Variants in COMP observed in about 807,000 individuals in gnomAD.
The protein encoded by COMP is cartilage oligomeric matrix protein.
A neutral mutation model predicts 95.8 loss-of-function variants in COMP; 79 were observed. That is an observed-to-expected ratio of 0.82 (90% CI 0.69 to 0.99). COMP has a LOEUF of 0.99. Ranked by LOEUF, COMP falls within the 50% of genes least tolerant of loss-of-function variation. The pLI is 0.00. For synonymous variants in COMP, 438 were observed against 433.9 expected (o/e 1.01, Z -0.12); for missense variants, 906 against 1,076.1 (o/e 0.84, Z 2.21).
chr19:18,790,781 TCTC>T, intron 2 of COMP, 66 bp downstream of exon 2: 2 of 1,578,048 alleles, frequency 1.3e-6, no homozygotes, highest in Non-Finnish European at 1.7e-6. Flanking sequence ...GTACTTCCTC[TCTC>T]CTCGCTGGGA....
Position 18,788,296 on chromosome 19 carries a change from GTT to G in COMP, c.889_890del (p.Asn297LeufsTer27). The G allele has an allele frequency of 6.2e-6, 10 of 1,612,548 alleles. No homozygotes were observed. The highest frequency in any genetic ancestry group is 7.6e-6 in the Non-Finnish European group (9 of 1,179,966). On this transcript the variant is annotated frameshift_variant, in exon 9 of 19. Coordinates refer to ENST00000222271, the MANE Select transcript of COMP (RefSeq NM_000095.3). LOFTEE classifies it high-confidence loss of function. This position sits in a 1 kb window ranked among gnomAD's most constrained non-coding sequence, Gnocchi z 4.7. ...CGCGGTCCACATCCTCCTGCCCTGA[GTT>G]GGGCACAGTCACGCAGTTGTCCTGG... Reference protein sequence around the residue: ...CRKDNCVTVPNSGQEDVDRDG... With the variant: ...CRKDNCVTVPXSGQEDVDRDG...
chr19:18,783,036 C>G lies in COMP; in HGVS notation c.2227+18G>C, dbSNP rs371523847. On this transcript the variant is annotated intron_variant, in intron 18 of 18. Transcript: ENST00000222271. ...GTGTGCAGACTCCCCGCCCACGGCC[C>G]GCTGGCCCTCGGCTCACCATTGCAG... 2.5e-6 allele frequency: 4 copies of G among 1,611,932 alleles called. No homozygotes were observed. The highest frequency in any genetic ancestry group is 3.3e-5 in the Admixed American group (2 of 60,010).
rs575821712 is a variant in COMP, at chr19:18,789,487, G to A, written c.391-190C>T. On this transcript the variant is annotated intron_variant, in intron 4 of 18. Transcript: ENST00000222271. This position sits in a 1 kb window ranked among gnomAD's most constrained non-coding sequence, Gnocchi z 6.1. The stretch of plus-strand genomic sequence containing the variant: ...GACGGCAAGGGCGCAACCGGGAGAG[G>A]AGAGGAGAGCTGTTCCCTCATGGGC... 9.5e-4 allele frequency among the ~76,000 whole-genome samples: 145 copies of A among 152,248 alleles called. 1 individual carries two copies. The highest frequency in any genetic ancestry group is 3.4e-3 in the Middle Eastern group (1 of 294).
chr19:18,790,346 G>A (rs1601060221), intron 3 of COMP, among the ~76,000 whole-genome samples: 1 of 151,806 alleles, frequency 6.6e-6, no homozygotes, highest in East Asian at 1.9e-4. Flanking sequence ...CTGCCCCGTG[G>A]CGTCTCTCAC....
intron 11 of COMP, 38 bp from the exon 12 acceptor site, chr19:18,786,329 G>A (rs1443385812): frequency 2.5e-6 from 4 of 1,613,196 alleles, no homozygotes; most frequent in African/African-American, 1.3e-5. Context: ...TAATCAGACA[G>A]AGGAAATCAG....
rs1339435567 is a variant in COMP at position 18,784,154 on chromosome 19, C to A, written c.2087+37G>T. 6.2e-7 allele frequency: 1 copy of A among 1,610,778 alleles called. No homozygotes were observed. Among genetic ancestry groups the A allele is most frequent in the South Asian group, 1.1e-5 (1 of 90,970 alleles). On this transcript the variant is annotated intron_variant, in intron 17 of 18. Coordinates refer to ENST00000222271, the MANE Select transcript of COMP (RefSeq NM_000095.3). The surrounding 1 kb of genome is among the most constrained non-coding windows in gnomAD (Gnocchi z 4.9). ...GGCACTCCCACCTGGGCCTGTGTGT[C>A]CCCAGCCCAGCCCACCACAGAGGGT...
chr19:18,783,215 G>A (rs1278324170), intron 17 of COMP, 22 bp from the exon 18 acceptor site: 1 of 1,604,882 alleles, frequency 6.2e-7, no homozygotes. Context: ...ACATGGTGAG[G>A]CCTGGGGGAC....
chr19:18,787,111 G>T, intron 10 of COMP: 2 of 395,840 alleles, frequency 5.1e-6, no homozygotes, highest in East Asian at 6.1e-5. Flanking sequence ...CCAAGGGAAG[G>T]CTAGTGAGGG....
intron 3 of COMP, 137 bp from the exon 4 acceptor site, chr19:18,790,251 C>A (rs1388739575): frequency 3.3e-6 from 2 of 610,374 alleles, no homozygotes; most frequent in Non-Finnish European, 5.3e-6. Flanking sequence ...CGAAATCCTG[C>A]GCTGTCCGCG....
rs778109371 is a variant in COMP, at chr19:18,788,194, G to A, written c.975+18C>T. On this transcript the variant is annotated intron_variant, in intron 9 of 18. Transcript: ENST00000222271. This position sits in a 1 kb window ranked among gnomAD's most constrained non-coding sequence, Gnocchi z 4.7. The stretch of plus-strand genomic sequence containing the variant: ...TGGGATTACAGGAGTGAACCACCGT[G>A]CCGAGCCGTAGATCTACCTTTTCAT... 10 of 1,603,766 alleles carry A rather than the reference G, an allele frequency of 6.2e-6. No individual in the cohort carries two copies. In the South Asian group the frequency reaches 6.6e-5, roughly 11 times the overall value.
rs1163201174 is a variant in COMP at position 18,791,210 on chromosome 19, T to C, written c.60A>G (p.Gly20=). 6.3e-7 allele frequency: 1 copy of C among 1,591,584 alleles called. No individual in the cohort carries two copies. Among genetic ancestry groups the C allele is most frequent in the Admixed American group, 1.8e-5 (1 of 55,944 alleles). Residue 20 remains glycine, a synonymous_variant, in exon 1 of 19, where the codon GGA becomes GGG. Transcript: ENST00000222271. ...LLTLAALGAS[G]QGQSPLGSDL... is the part of the protein sequence containing the mutation. ...GCTTACCCAACGGGCTCTGGCCCTGTCCGGACGCGCCGAGGGCAGCCAGGG... is the reference window on the plus strand; with the variant it reads ...GCTTACCCAACGGGCTCTGGCCCTGCCCGGACGCGCCGAGGGCAGCCAGGG...
intron 15 of COMP, 131 bp from the exon 16 acceptor site, chr19:18,785,223 C>T: frequency 1.0e-6 from 1 of 990,710 alleles, no homozygotes; most frequent in Non-Finnish European, 1.5e-6. Context: ...ACTCGCAGAG[C>T]CCGGACTCAG....
chr19:18,787,365 TC>T, intron 10 of COMP, 125 bp downstream of exon 10: 8 of 1,386,462 alleles, frequency 5.8e-6, no homozygotes, highest in Non-Finnish European at 8.0e-6. Context: ...TGGTCTTTGG[TC>T]CAGGGCGCCC....
chr19:18,789,225 G>A lies in COMP; in HGVS notation c.463C>T (p.Pro155Ser), dbSNP rs2055192540. The change falls in exon 5 of 19, where the codon CCG (proline) becomes TCG (serine). Residue 155 changes from proline (P) to serine (S), a missense_variant. By Grantham distance (74) the Pro-to-Ser change is moderately conservative. Coordinates refer to ENST00000222271, the MANE Select transcript of COMP (RefSeq NM_000095.3). This position sits in a 1 kb window ranked among gnomAD's most constrained non-coding sequence, Gnocchi z 6.1. ...TSPGFRCEAC[P>S]PGYSGPTHQG... The stretch of plus-strand genomic sequence containing the variant: ...TGGGTGGGGCCGCTGTACCCCGGCG[G>A]GCAAGCCTCGCAGCGGAACCCCGGG... 3 of 1,534,942 alleles carry A rather than the reference G, an allele frequency of 2.0e-6. No homozygotes were observed. The highest frequency in any genetic ancestry group is 2.3e-5 in the East Asian group (1 of 44,136).
At position 18,790,118 on chromosome 19, in the gene COMP, C is replaced by G. The variant is rs770568381; in HGVS notation, c.218-4G>C. 7 of 1,478,154 alleles carry G rather than the reference C, an allele frequency of 4.7e-6. No individual in the cohort carries two copies. Among genetic ancestry groups the G allele is most frequent in the East Asian group, 2.7e-5 (1 of 37,594 alleles). The allele number at this position is 1,478,154 out of a possible 1,614,324, so 91.6% of individuals were successfully genotyped here. A position where few individuals can be genotyped will look rare whatever the true frequency, so the allele number is the denominator to read the frequency against. ...GTGCGTACTGACTGCTGCATCCCTG[C>G]GGGGGGGAGGGGGGAGAAGCGGCGG... On this transcript the variant is annotated splice_polypyrimidine_tract_variant and splice_region_variant and intron_variant, in intron 3 of 18. Coordinates refer to ENST00000222271, the MANE Select transcript of COMP (RefSeq NM_000095.3).
Position 18,789,576 on chromosome 19 carries a change from G to A in COMP, c.391-279C>T, listed in dbSNP as rs2055195565. 6.6e-6 allele frequency among the ~76,000 whole-genome samples: 1 copy of A among 151,938 alleles called. No individual in the cohort carries two copies. The highest frequency in any genetic ancestry group is 2.1e-4 in the South Asian group (1 of 4,816). ...GGGGGCAGGGGTCGTCGGGGCGTGC[G>A]TGCCCGGCGGTGGCGGGGGGTCTGG... is the stretch of plus-strand genomic sequence containing the variant. On this transcript the variant is annotated intron_variant, in intron 4 of 18. Transcript: ENST00000222271. This position sits in a 1 kb window ranked among gnomAD's most constrained non-coding sequence, Gnocchi z 6.1.
rs2055207060 is a variant in COMP, at chr19:18,790,769, G to A, written c.165+81C>T. 24 of 1,590,980 alleles carry A rather than the reference G, an allele frequency of 1.5e-5. No individual in the cohort carries two copies. In the East Asian group the frequency reaches 5.5e-4, roughly 36 times the overall value. ...CTCCCCATCTCCTCTCCACCTTCTC[G>A]GGTACTTCCTCTCTCCTCGCTGGGA... On this transcript the variant is annotated intron_variant, in intron 2 of 18. Coordinates refer to ENST00000222271, the MANE Select transcript of COMP (RefSeq NM_000095.3).
chr19:18,790,449 GCCT>G, intron 3 of COMP, 110 bp downstream of exon 3: 1 of 1,354,214 alleles, frequency 7.4e-7, no homozygotes, highest in Non-Finnish European at 1.1e-6. Flanking sequence ...CTCTCCGTCA[GCCT>G]CCATCTCCTT....
chr19:18,783,959 T>C (rs565213660), intron 17 of COMP, among the ~76,000 whole-genome samples: 8 of 152,296 alleles, frequency 5.3e-5, no homozygotes, highest in African/African-American at 1.9e-4. Context: ...TTACCCAGGC[T>C]GCCTCGAACT....
Sources: allele counts gnomAD v4.1 joint callset (sites outside exome capture counted in the v4.1 genomes callset), GRCh38; gene constraint gnomAD v4.1.1; non-coding constraint Gnocchi (gnomAD v3.1); transcripts MANE v1.5; gene names NCBI Gene and HGNC (gene_info 2026-07-23, HGNC 2026-07-21).